MEGF6: variants seen among roughly 807,000 people sequenced by gnomAD.
The protein encoded by MEGF6 is multiple EGF like domains 6, also known as multiple epidermal growth factor-like domains protein 6.
In MEGF6, 184 loss-of-function variants were observed where a neutral mutation model predicts 207.1. The observed-to-expected ratio is 0.89, with a 90% confidence interval of 0.79 to 1.00. The LOEUF is 1.00. Among genes scored for constraint, MEGF6 ranks in the 50% least tolerant of loss-of-function variants. The pLI is 0.00. For synonymous variants in MEGF6, 1,038 were observed against 910.0 expected (o/e 1.14, Z -2.53); for missense variants, 2,282 against 2,202.9 (o/e 1.04, Z -0.72).
At chr1:3,501,693 G>T (rs959702237) in intron 18 of MEGF6, 103 bp downstream of exon 18, 2 of 1,439,376 alleles carry the variant, frequency 1.4e-6, no homozygotes, top group East Asian at 2.4e-5. Context: ...TGCTATAGAC[G>T]GGCCTGGGAT....
chr1:3,529,714 C>A (rs1642084654), intron 4 of MEGF6, among the ~76,000 whole-genome samples: 1 of 152,206 alleles, frequency 6.6e-6, no homozygotes, highest in Non-Finnish European at 1.5e-5. Flanking sequence ...CATGGGGCCC[C>A]CAGCGACCAC....
At chr1:3,566,653 G>A (rs772903617) in intron 4 of MEGF6, among the ~76,000 whole-genome samples, 11 of 152,146 alleles carry the variant, frequency 7.2e-5, no homozygotes, top group African/African-American at 1.7e-4. Flanking sequence ...CGCACTTCAC[G>A]CTATGAGCCC....
At chr1:3,612,705 G>A (rs866811699), upstream of MEGF6, among the ~76,000 whole-genome samples, 6 of 151,770 alleles carry the variant, frequency 4.0e-5, no homozygotes, top group Middle Eastern at 3.4e-3. Context: ...GTTTGGGGGA[G>A]GAACTTCGCT....
intron 1 of MEGF6, among the ~76,000 whole-genome samples, chr1:3,603,303 CG>C (rs1284839678): frequency 6.6e-6 from 1 of 151,748 alleles, no homozygotes; most frequent in Non-Finnish European, 1.5e-5. Flanking sequence ...TCAGGCCCTG[CG>C]GGGGGAAGGG....
Position 3,508,545 on chromosome 1 carries a change from C to A in MEGF6, c.1660+13G>T. Reference sequence around the variant, plus strand: ...CCCCTTCCCAGCCCCCAGCCCCTGCCCAGCTGCCTCACTCTCATTGCAGAT... The same window carrying A: ...CCCCTTCCCAGCCCCCAGCCCCTGCACAGCTGCCTCACTCTCATTGCAGAT... On this transcript the variant is annotated intron_variant, in intron 13 of 36. Coordinates refer to ENST00000356575, the MANE Select transcript of MEGF6 (RefSeq NM_001409.4). 6.2e-7 allele frequency: 1 copy of A among 1,610,414 alleles called. No homozygotes were observed. Among genetic ancestry groups the A allele is most frequent in the East Asian group, 2.2e-5 (1 of 44,820 alleles).
rs78738321 is a variant in MEGF6, at chr1:3,497,670, C to T, written c.3353-309G>A. On this transcript the variant is annotated intron_variant, in intron 26 of 36. Transcript: ENST00000356575. ...CTGAGAGCTCAGCCTCTGGCAGCCC[C>T]GCCCCATGGAAGGCGAAGGAGCCGG... 5,283 of 549,234 alleles carry T rather than the reference C, an allele frequency of 9.6e-3. 254 individuals are homozygous for T. The East Asian group carries it at 0.11, about 12-fold the overall frequency. The allele number at this position is 549,234 out of a possible 1,614,324, so 34.0% of individuals were successfully genotyped here. A position where few individuals can be genotyped will look rare whatever the true frequency, so the allele number is the denominator to read the frequency against.
intron 18 of MEGF6, 81 bp downstream of exon 18, chr1:3,501,715 G>C: frequency 6.5e-7 from 1 of 1,526,866 alleles, no homozygotes; most frequent in Non-Finnish European, 8.8e-7. Flanking sequence ...CGCAGGGCTG[G>C]GGCCCCCACA....
intron 3 of MEGF6, among the ~76,000 whole-genome samples, chr1:3,583,117 A>G (rs2821044): frequency 0.59 from 90,011 of 152,086 alleles, 29,732 homozygotes; most frequent in Non-Finnish European, 0.75. Context: ...GAGGAGGGCT[A>G]CCCATGGACT....
chr1:3,523,619 C>T (rs1641847866), intron 5 of MEGF6, among the ~76,000 whole-genome samples: 1 of 152,200 alleles, frequency 6.6e-6, no homozygotes, highest in Non-Finnish European at 1.5e-5. Flanking sequence ...CCCACAAAGC[C>T]TGGCTCTGCG....
intron 1 of MEGF6, 33 bp from the exon 2 acceptor site, chr1:3,602,633 G>T (rs1644179018): frequency 6.4e-7 from 1 of 1,573,056 alleles, no homozygotes; most frequent in African/African-American, 1.4e-5. Flanking sequence ...CAGCGCCTCG[G>T]CCACCCCCAG....
upstream of MEGF6, among the ~76,000 whole-genome samples, chr1:3,612,473 G>A (rs1570263311): frequency 6.6e-6 from 1 of 152,196 alleles, no homozygotes. Flanking sequence ...GGAGTCTCTG[G>A]TGTCAGAGCT....
chr1:3,563,115 TG>T (rs1643248924), intron 4 of MEGF6, among the ~76,000 whole-genome samples: 1 of 152,130 alleles, frequency 6.6e-6, no homozygotes, highest in Admixed American at 6.5e-5. Context: ...TGAGCAGCCC[TG>T]CCCCTGCCCC....
chr1:3,600,174 G>A (rs1049660085), intron 2 of MEGF6, among the ~76,000 whole-genome samples: 1 of 152,158 alleles, frequency 6.6e-6, no homozygotes, highest in East Asian at 1.9e-4. Flanking sequence ...CAGAACCCAG[G>A]GGCCTCAAAT....
intron 4 of MEGF6, among the ~76,000 whole-genome samples, chr1:3,557,101 C>T (rs1350801528): frequency 1.3e-5 from 2 of 152,218 alleles, no homozygotes; most frequent in East Asian, 1.9e-4. Context: ...GAAGGAGCCA[C>T]GAGCCAAGGA....
chr1:3,599,122 C>T (rs577124739), intron 2 of MEGF6, among the ~76,000 whole-genome samples: 14 of 152,312 alleles, frequency 9.2e-5, no homozygotes, highest in Middle Eastern at 3.4e-3. Flanking sequence ...CCCTTCTGAC[C>T]GCAGCCACCA....
rs938517117 is a variant in MEGF6 at position 3,554,535 on chromosome 1, C to A, written c.481+25290G>T. Among the ~76,000 whole-genome samples the A allele has an allele frequency of 8.3e-4, 126 of 152,160 alleles. 3 individuals carry two copies. The highest frequency in any genetic ancestry group is 1.8e-4 in the Non-Finnish European group (12 of 68,026). On this transcript the variant is annotated intron_variant, in intron 4 of 36. Coordinates refer to ENST00000356575, the MANE Select transcript of MEGF6 (RefSeq NM_001409.4). ...ACATCCCTTTCCTGGGGCTGATGTA[C>A]CAGAGTGTCACTAACCAGGTGGCTT... is the stretch of plus-strand genomic sequence containing the variant.
At chr1:3,604,243 C>T (rs1644208104) in intron 1 of MEGF6, among the ~76,000 whole-genome samples, 1 of 152,210 alleles carries the variant, frequency 6.6e-6, no homozygotes, top group Non-Finnish European at 1.5e-5. Flanking sequence ...CCCGCAGTTT[C>T]CCAAACGTCC....
At chr1:3,531,067 G>C in intron 4 of MEGF6, 1 of 1,513,206 alleles carries the variant, frequency 6.6e-7, no homozygotes, top group South Asian at 1.2e-5. Context: ...GCCCAGGCTC[G>C]CCCGGCGCCC....
At chr1:3,526,604 G>A (rs1321133268) in intron 4 of MEGF6, among the ~76,000 whole-genome samples, 1 of 152,064 alleles carries the variant, frequency 6.6e-6, no homozygotes, top group East Asian at 1.9e-4. Context: ...TCGCCATGTT[G>A]GCCAGGCTGG....
Sources: allele counts gnomAD v4.1 joint callset (sites outside exome capture counted in the v4.1 genomes callset), GRCh38; gene constraint gnomAD v4.1.1; transcripts MANE v1.5; gene names NCBI Gene and HGNC (gene_info 2026-07-23, HGNC 2026-07-21).